Variants in APC observed in about 807,000 individuals in gnomAD.
APC encodes the protein APC regulator of Wnt signaling pathway, also known as adenomatous polyposis coli protein.
A neutral mutation model predicts 247.0 loss-of-function variants in APC; 72 were observed. That is an observed-to-expected ratio of 0.29 (90% CI 0.24 to 0.35). APC has a LOEUF of 0.35. Ranked by LOEUF, APC falls within the 10% of genes least tolerant of loss-of-function variation. APC has a pLI of 1.00. For missense variants in APC, 3,400 were observed against 3,360.7 expected (o/e 1.01, Z -0.29); for synonymous variants, 1,254 against 1,162.5 (o/e 1.08, Z -1.60).
chr5:112,715,901 T>G (rs1751144922), intron 1 of APC, among the ~76,000 whole-genome samples: 1 of 152,208 alleles, frequency 6.6e-6, no homozygotes, highest in African/African-American at 2.4e-5. Flanking sequence ...TCTAAAATTT[T>G]AAATTTACTG....
At position 112,843,373 on chromosome 5, in the gene APC, C is replaced by G. The variant is rs1425732484; in HGVS notation, c.7779C>G (p.Asn2593Lys). The change falls in exon 16 of 16, where the codon AAC becomes AAG. Residue 2593 changes from asparagine (N) to lysine (K), a missense_variant. By Grantham distance (94) the Asn-to-Lys change is moderately conservative. Coordinates refer to ENST00000257430, the MANE Select transcript of APC (RefSeq NM_000038.6). The surrounding 1 kb of genome is among the most constrained non-coding windows in gnomAD (Gnocchi z 4.8). ...KAKSEDEKHVNSISGTKQSKE... is the reference protein window; with the variant it reads ...KAKSEDEKHVKSISGTKQSKE... ...AAAGTGAGGATGAAAAACATGTGAA[C>G]TCTATTTCAGGAACCAAACAAAGTA... 1 of 1,613,712 alleles carries G rather than the reference C, an allele frequency of 6.2e-7. No individual in the cohort carries two copies. The highest frequency in any genetic ancestry group is 8.5e-7 in the Non-Finnish European group (1 of 1,179,802).
chr5:112,780,830 A>T lies in APC; in HGVS notation c.572A>T (p.Tyr191Phe), dbSNP rs1242767881. 1 of 1,613,570 alleles carries T rather than the reference A, an allele frequency of 6.2e-7. No homozygotes were observed. The highest frequency in any genetic ancestry group is 8.5e-7 in the Non-Finnish European group (1 of 1,179,604). ...GATATGACCAGAAGGCAATTGGAAT[A>T]TGAAGCAAGGCAAATCAGAGTTGCG... Reference protein sequence around the residue: ...QTDMTRRQLEYEARQIRVAME... With the variant: ...QTDMTRRQLEFEARQIRVAME... The change falls in exon 6 of 16, where the codon TAT becomes TTT. Residue 191 changes from tyrosine to phenylalanine, a missense_variant. By Grantham distance (22) the Tyr-to-Phe change is conservative (BLOSUM62 3). This residue lies in a region of APC where 372 missense variants were observed against 367.6 expected (regional missense o/e 1.01). Transcript: ENST00000257430.
chr5:112,714,461 ATCT>A (rs1751042562), intron 1 of APC, among the ~76,000 whole-genome samples: 1 of 152,248 alleles, frequency 6.6e-6, no homozygotes, highest in African/African-American at 2.4e-5. Flanking sequence ...GACTGAGTAC[ATCT>A]TCTAGTAAAC....
At chr5:112,752,461 C>G (rs1034017533) in intron 1 of APC, among the ~76,000 whole-genome samples, 1 of 151,986 alleles carries the variant, frequency 6.6e-6, no homozygotes, top group Non-Finnish European at 1.5e-5. Context: ...TCTCCCCTAC[C>G]CCACACTTAC....
At chr5:112,747,952 G>A (rs948775752) in intron 1 of APC, among the ~76,000 whole-genome samples, 4 of 152,204 alleles carry the variant, frequency 2.6e-5, no homozygotes, top group African/African-American at 9.6e-5. Context: ...TGTAAATTAA[G>A]TTTTATTAGA....
chr5:112,798,974 C>G (rs1166657412), intron 7 of APC, among the ~76,000 whole-genome samples: 1 of 152,028 alleles, frequency 6.6e-6, no homozygotes, highest in Non-Finnish European at 1.5e-5. Context: ...CTTTGGGAAA[C>G]TGAGGTGGGC....
rs969738195 is a variant in APC at position 112,801,933 on chromosome 5, C to CTT, written c.834+560_834+561dup. Reference sequence around the variant, plus strand: ...TTTTCAGCAAAATTATGAAAGTAAACTTTTTTTTTTTACATACAGAACTGT... The same window carrying CTT: ...TTTTCAGCAAAATTATGAAAGTAAACTTTTTTTTTTTTTACATACAGAACTGT... On this transcript the variant is annotated intron_variant, in intron 8 of 15. Transcript: ENST00000257430. Among the ~76,000 whole-genome samples the CTT allele has an allele frequency of 4.1e-5, 6 of 146,500 alleles. No homozygotes were observed. In the South Asian group the frequency reaches 1.3e-3, roughly 31 times the overall value.
Position 112,844,770 on chromosome 5 carries a change from CAAA to C in APC, c.*647_*649del. The C allele has an allele frequency of 4.3e-6, 1 of 231,838 alleles. No homozygotes were observed. The highest frequency in any genetic ancestry group is 8.5e-6 in the Non-Finnish European group (1 of 117,078). 14.4% of individuals were successfully genotyped at this position (231,838 alleles called of 1,614,324 possible). ...ACACTATTTTGTGCTCCAAACAAAA[CAAA>C]AATCTGTGTAACTGTAAAACATTGA... On this transcript the variant is annotated 3_prime_UTR_variant, in exon 16 of 16. Coordinates refer to ENST00000257430, the MANE Select transcript of APC (RefSeq NM_000038.6).
At chr5:112,728,290 C>T (rs959824409) in intron 1 of APC, among the ~76,000 whole-genome samples, 3 of 151,896 alleles carry the variant, frequency 2.0e-5, no homozygotes, top group Admixed American at 2.0e-4. Flanking sequence ...ACCATGCCTG[C>T]CTATTGTTTT....
At position 112,842,870 on chromosome 5, in the gene APC, G is replaced by A. The variant is rs1060503353; in HGVS notation, c.7276G>A (p.Gly2426Arg). The change falls in exon 16 of 16, where the codon GGA becomes AGA. Residue 2426 changes from glycine (G) to arginine (R), a missense_variant. Around this residue, in one of 9 missense-constraint regions of APC, gnomAD observed 1,788 missense variants for 1,649.5 expected, o/e 1.08. Coordinates refer to ENST00000257430, the MANE Select transcript of APC (RefSeq NM_000038.6). Reference sequence around the variant, plus strand: ...TAGAATGTCTTCAACTAAATCAAGTGGAAGTGAATCTGATAGATCAGAAAG... The same window carrying A: ...TAGAATGTCTTCAACTAAATCAAGTAGAAGTGAATCTGATAGATCAGAAAG... The part of the protein sequence containing the change: ...LSRMSSTKSS[G>R]SESDRSERPV... 2 of 1,613,948 alleles carry A rather than the reference G, an allele frequency of 1.2e-6. No homozygotes were observed. Among genetic ancestry groups the A allele is most frequent in the African/African-American group, 1.3e-5 (1 of 75,012 alleles).
intron 1 of APC, among the ~76,000 whole-genome samples, chr5:112,715,516 T>C (rs1751115881): frequency 6.6e-6 from 1 of 152,126 alleles, no homozygotes; most frequent in African/African-American, 2.4e-5. Flanking sequence ...AGATGTGAAA[T>C]AGAATAAAAT....
chr5:112,710,475 G>T (rs1349880691), intron 1 of APC, among the ~76,000 whole-genome samples: 1 of 152,012 alleles, frequency 6.6e-6, no homozygotes, highest in Non-Finnish European at 1.5e-5. Flanking sequence ...ATGTGTCCAT[G>T]TACCCTTTCC....
At chr5:112,734,921 G>T (rs528751194), upstream of APC, among the ~76,000 whole-genome samples, 13 of 151,610 alleles carry the variant, frequency 8.6e-5, no homozygotes, top group Non-Finnish European at 1.3e-4. Flanking sequence ...CTCCCAAGTA[G>T]CTGGGGAATG....
At position 112,816,652 on chromosome 5, in the gene APC, G is replaced by T. The variant is rs140665929; in HGVS notation, c.933+1059G>T. ...CTACTAAAAATACAAAATTAGCCAG[G>T]CATGGTGGCACATGGCTGTAATCCC... On this transcript the variant is annotated intron_variant, in intron 9 of 15. Transcript: ENST00000257430. Among the ~76,000 whole-genome samples, 4,222 of 151,622 alleles carry T rather than the reference G, an allele frequency of 0.028. 190 individuals carry two copies. The highest frequency in any genetic ancestry group is 0.097 in the African/African-American group (4,000 of 41,342).
At chr5:112,738,547 T>TCCCTGTGAA (rs1258072667) in intron 1 of APC, 6 of 964,250 alleles carry the variant, frequency 6.2e-6, no homozygotes, top group Non-Finnish European at 7.4e-6. Context: ...CTAAGTAAAC[T>TCCCTGTGAA]CCCTGTGAAC....
chr5:112,815,630 T>G, intron 9 of APC, 37 bp downstream of exon 9: 13 of 1,524,440 alleles, frequency 8.5e-6, no homozygotes, highest in Non-Finnish European at 1.2e-5. Flanking sequence ...ACTAATGCCA[T>G]GACTACTTTG....
intron 6 of APC, among the ~76,000 whole-genome samples, chr5:112,781,677 A>T (rs1229132511): frequency 1.3e-5 from 2 of 152,208 alleles, no homozygotes; most frequent in South Asian, 4.1e-4. Flanking sequence ...AACATATTAA[A>T]TAGTTTTAAA....
chr5:112,743,458 CT>C (rs1381852438), intron 1 of APC, among the ~76,000 whole-genome samples: 2 of 152,032 alleles, frequency 1.3e-5, no homozygotes, highest in African/African-American at 4.8e-5. Flanking sequence ...GTTATTTTTA[CT>C]TTTGCGAATG....
At position 112,841,298 on chromosome 5, in the gene APC, T is replaced by A. The variant is rs1338310729; in HGVS notation, c.5704T>A (p.Ser1902Thr). ...AGTTACCAGCCACACAGAACTAACC[T>A]CCAACCAACAATCAGCTAATAAGAC... is the stretch of plus-strand genomic sequence containing the variant. ...AKVTSHTELT[S>T]NQQSANKTQA... The change falls in exon 16 of 16, where the codon TCC becomes ACC. Residue 1902 changes from serine to threonine, a missense_variant. Physicochemically the swap from Ser to Thr is moderately conservative, Grantham distance 58 (BLOSUM62 1). Transcript: ENST00000257430. The surrounding 1 kb of genome is among the most constrained non-coding windows in gnomAD (Gnocchi z 4.6). 6.2e-7 allele frequency: 1 copy of A among 1,613,798 alleles called. No individual in the cohort carries two copies.
Sources: gnomAD v4.1 joint callset for allele counts (sites outside exome capture counted in the v4.1 genomes callset) on GRCh38, gnomAD v4.1.1 for gene constraint, gnomAD v4.1.1 regional missense constraint, Gnocchi (gnomAD v3.1) non-coding constraint, MANE v1.5 for transcripts, NCBI Gene and HGNC (gene_info 2026-07-23, HGNC 2026-07-21) for gene names.